The following CFAP36 variants were observed in gnomAD, a reference collection of about 807,000 sequenced individuals.
CFAP36 encodes the protein cilia and flagella associated protein 36, also known as cilia- and flagella-associated protein 36.
In CFAP36, 37 loss-of-function variants were observed where a neutral mutation model predicts 50.5. The observed-to-expected ratio is 0.73, with a 90% confidence interval of 0.56 to 0.96. CFAP36 has a LOEUF of 0.96. Among genes scored for constraint, CFAP36 ranks in the 50% least tolerant of loss-of-function variants. The pLI is 0.00. For missense variants in CFAP36, 407 were observed against 396.2 expected, an observed-to-expected ratio of 1.03 and a Z score of -0.23; for synonymous variants, 138 against 128.2, an observed-to-expected ratio of 1.08 and a Z score of -0.52.
At chr2:55,544,403 A>G in intron 9 of CFAP36, 34 bp downstream of exon 9, 1 of 1,574,270 alleles carries the variant, frequency 6.4e-7, no homozygotes. Flanking sequence ...AGATTTACAA[A>G]TCTGGTGGTG....
chr2:55,525,199 C>T (rs531559271), intron 3 of CFAP36, among the ~76,000 whole-genome samples: 1 of 152,216 alleles, frequency 6.6e-6, no homozygotes, highest in Admixed American at 6.5e-5. Context: ...TGCCTATAAT[C>T]CCAGCACTTT....
chr2:55,523,880 C>T, intron 3 of CFAP36, 58 bp downstream of exon 3: 2 of 1,050,924 alleles, frequency 1.9e-6, no homozygotes, highest in Non-Finnish European at 2.8e-6. Context: ...CAGGGTTAAA[C>T]ACTCACTTAA....
intron 6 of CFAP36, 123 bp from the exon 7 acceptor site, chr2:55,537,360 G>C (rs947817370): frequency 6.3e-6 from 4 of 633,220 alleles, no homozygotes; most frequent in African/African-American, 5.7e-5. Flanking sequence ...GACAGAGTGA[G>C]ACTCTGTCTC....
chr2:55,529,152 T>G (rs1002818332), intron 4 of CFAP36, among the ~76,000 whole-genome samples, 160 bp downstream of exon 4: 13 of 152,166 alleles, frequency 8.5e-5, no homozygotes, highest in African/African-American at 3.1e-4. Flanking sequence ...CTGGGTGCAG[T>G]GGCTCACGCC....
At chr2:55,524,034 C>A (rs1684137988) in intron 3 of CFAP36, among the ~76,000 whole-genome samples, 1 of 152,192 alleles carries the variant, frequency 6.6e-6, no homozygotes, top group Non-Finnish European at 1.5e-5. Flanking sequence ...CTCAAAGTGA[C>A]CTTTCTAAAC....
intron 2 of CFAP36, 136 bp from the exon 3 acceptor site, chr2:55,523,585 A>T (rs41281507): frequency 4.0e-6 from 2 of 496,006 alleles, no homozygotes; most frequent in Non-Finnish European, 7.3e-6. Flanking sequence ...GTGAAAGACA[A>T]TGTCACTGTC....
At position 55,535,768 on chromosome 2, in the gene CFAP36, C is replaced by A. The variant is rs771488230; in HGVS notation, c.537+5C>A. 13 of 1,555,396 alleles carry A rather than the reference C, an allele frequency of 8.4e-6. No individual in the cohort carries two copies. In the East Asian group the frequency reaches 2.8e-4, roughly 34 times the overall value. On this transcript the variant is annotated splice_donor_5th_base_variant and intron_variant, in intron 6 of 9. Coordinates refer to ENST00000349456, the MANE Select transcript of CFAP36 (RefSeq NM_080667.7). Reference sequence around the variant, plus strand: ...GAAAGGAAGAGGAAAAAACAGGTGCCTACAGAACATATAACAGAAGTATTT... The same window carrying A: ...GAAAGGAAGAGGAAAAAACAGGTGCATACAGAACATATAACAGAAGTATTT...
intron 6 of CFAP36, 61 bp downstream of exon 6, chr2:55,535,824 C>G (rs1684468385): frequency 2.7e-6 from 4 of 1,496,326 alleles, no homozygotes; most frequent in Admixed American, 5.2e-5. Context: ...AAGTTTACAC[C>G]TAGATCTTAC....
rs1237815306 is a variant in CFAP36 at position 55,543,995 on chromosome 2, G to A, written c.698G>A (p.Arg233Lys). ...GAACCTTTGGGAAGAAAAGTGGAAA[G>A]GTCTGAAACTTCCTCCCTCCCACAA... ...SIEPLGRKVERSETSSLPQKD... is the reference protein window; with the variant it reads ...SIEPLGRKVEKSETSSLPQKD... The change falls in exon 8 of 10, where the codon AGG (arginine) becomes AAG (lysine). Residue 233 changes from arginine to lysine, a missense_variant. Coordinates refer to ENST00000349456, the MANE Select transcript of CFAP36 (RefSeq NM_080667.7). 1 of 1,613,924 alleles carries A rather than the reference G, an allele frequency of 6.2e-7. No individual in the cohort carries two copies. The highest frequency in any genetic ancestry group is 8.5e-7 in the Non-Finnish European group (1 of 1,179,866).
intron 7 of CFAP36, among the ~76,000 whole-genome samples, chr2:55,541,379 ATTTCT>A (rs1317583135): frequency 2.0e-5 from 3 of 152,152 alleles, no homozygotes; most frequent in Non-Finnish European, 4.4e-5. Context: ...TAGTTCTTTG[ATTTCT>A]TTCATTAGAA....
chr2:55,530,409 G>C (rs1001153454), intron 4 of CFAP36, among the ~76,000 whole-genome samples: 6 of 152,180 alleles, frequency 3.9e-5, no homozygotes, highest in Non-Finnish European at 8.8e-5. Context: ...CAAGTTCCCA[G>C]GTGATGCTGA....
intron 3 of CFAP36, among the ~76,000 whole-genome samples, chr2:55,526,770 C>T (rs1684218482): frequency 1.3e-5 from 2 of 152,044 alleles, no homozygotes; most frequent in Admixed American, 1.3e-4. Flanking sequence ...ACCTGTAATC[C>T]CAATGCTTTG....
chr2:55,533,246 A>G (rs908054982), intron 4 of CFAP36, among the ~76,000 whole-genome samples: 2 of 152,240 alleles, frequency 1.3e-5, no homozygotes, highest in Non-Finnish European at 2.9e-5. Context: ...ATATTCTTAG[A>G]CACTATATGA....
chr2:55,542,688 G>C (rs1684666368), intron 7 of CFAP36, among the ~76,000 whole-genome samples: 1 of 152,168 alleles, frequency 6.6e-6, no homozygotes, highest in Admixed American at 6.5e-5. Context: ...AACATGAGTG[G>C]AATATAAATG....
At chr2:55,520,473 C>T (rs1429387877) in intron 1 of CFAP36, 1 of 1,547,496 alleles carries the variant, frequency 6.5e-7, no homozygotes, top group Non-Finnish European at 8.7e-7. Context: ...GGCCTGTGTT[C>T]CCCTTGGTGA....
chr2:55,543,830 G>A, intron 7 of CFAP36, 108 bp from the exon 8 acceptor site: 1 of 1,081,086 alleles, frequency 9.2e-7, no homozygotes, highest in South Asian at 1.5e-5. Context: ...GAATGACTAT[G>A]AGGAAAAACA....
intron 4 of CFAP36, among the ~76,000 whole-genome samples, chr2:55,530,612 C>A (rs984308134): frequency 2.6e-5 from 4 of 152,222 alleles, no homozygotes; most frequent in African/African-American, 9.6e-5. Context: ...TTGTTCCCTT[C>A]TTGTGTACCT....
At chr2:55,542,017 T>A (rs866513535) in intron 7 of CFAP36, among the ~76,000 whole-genome samples, 1 of 152,320 alleles carries the variant, frequency 6.6e-6, no homozygotes, top group Middle Eastern at 3.4e-3. Context: ...CATTTCTTTT[T>A]TATATATATG....
At chr2:55,540,459 T>C (rs953470118) in intron 7 of CFAP36, among the ~76,000 whole-genome samples, 38 of 152,224 alleles carry the variant, frequency 2.5e-4, no homozygotes, top group African/African-American at 8.4e-4. Flanking sequence ...TGTTGATCTA[T>C]TTCTCCATTC....
Sources: allele counts gnomAD v4.1 joint callset (sites outside exome capture counted in the v4.1 genomes callset), GRCh38; gene constraint gnomAD v4.1.1; transcripts MANE v1.5; gene names NCBI Gene and HGNC (gene_info 2026-07-23, HGNC 2026-07-21).